Variants in URI1 observed in about 807,000 individuals in gnomAD.
The protein encoded by URI1 is unconventional prefoldin RPB5 interactor 1.
In URI1, 39 loss-of-function variants were observed where a neutral mutation model predicts 60.2. The ratio of observed to expected loss-of-function variants is 0.65; its 90% CI spans 0.50 to 0.85. The LOEUF (loss-of-function observed/expected upper bound fraction) is 0.85, where lower values mean the gene tolerates loss of function less well. Among genes scored for constraint, URI1 ranks in the 40% least tolerant of loss-of-function variants. The pLI is 0.00. For synonymous variants in URI1, 251 were observed against 236.8 expected, an observed-to-expected ratio of 1.06 and a Z score of -0.55; for missense variants, 691 against 665.9, an observed-to-expected ratio of 1.04 and a Z score of -0.42.
intron 10 of URI1, 120 bp downstream of exon 10, chr19:30,012,651 A>G: frequency 7.9e-7 from 1 of 1,263,406 alleles, no homozygotes; most frequent in South Asian, 1.6e-5. Flanking sequence ...CTTGGTACTA[A>G]TTAATAAAAA....
In URI1 at chr19:29,986,223, A is replaced by G; in HGVS notation, c.232-59A>G. On this transcript the variant is annotated intron_variant, in intron 3 of 10. Coordinates refer to ENST00000392271, the MANE Select transcript of URI1 (RefSeq NM_003796.3). ...AGGCTTTTAATGCGAAGTGTTTTAT[A>G]AAATGTACTTTTCAGTGTTTTATGT... 11 of 1,462,110 alleles carry G rather than the reference A, an allele frequency of 7.5e-6. No homozygotes were observed. In the South Asian group the frequency reaches 1.2e-4, roughly 16 times the overall value. The allele number at this position is 1,462,110 out of a possible 1,614,324, so 90.6% of individuals were successfully genotyped here. A position where few individuals can be genotyped will look rare whatever the true frequency, so the allele number is the denominator to read the frequency against.
chr19:30,000,092 T>C (rs1568440619), intron 4 of URI1, among the ~76,000 whole-genome samples: 1 of 152,020 alleles, frequency 6.6e-6, no homozygotes. Flanking sequence ...TTGCTATTGT[T>C]GTATCACAAT....
intron 1 of URI1, among the ~76,000 whole-genome samples, chr19:29,929,825 A>G (rs2054901112): frequency 6.6e-6 from 1 of 152,156 alleles, no homozygotes; most frequent in Admixed American, 6.5e-5. Context: ...AATGACAACA[A>G]AAAAACAGTG....
At chr19:29,953,317 A>C (rs2055202543) in intron 1 of URI1, among the ~76,000 whole-genome samples, 1 of 152,120 alleles carries the variant, frequency 6.6e-6, no homozygotes, top group East Asian at 1.9e-4. Context: ...TTGGCTATTG[A>C]CTGTTGTATT....
chr19:29,999,318 G>A (rs565634439), intron 4 of URI1, among the ~76,000 whole-genome samples: 14 of 152,180 alleles, frequency 9.2e-5, no homozygotes, highest in South Asian at 4.2e-4. Context: ...ATTTCTACCC[G>A]AAGAACTTCC....
chr19:29,924,205 T>G (rs2054846254), intron 1 of URI1, among the ~76,000 whole-genome samples: 1 of 152,172 alleles, frequency 6.6e-6, no homozygotes, highest in Non-Finnish European at 1.5e-5. Flanking sequence ...CCAATCTCTT[T>G]GAAAACACCC....
At chr19:29,942,153 TC>T, upstream of URI1, 1 of 949,296 alleles carries the variant, frequency 1.1e-6, no homozygotes, top group Non-Finnish European at 1.3e-6. Flanking sequence ...TCAAGCGCAC[TC>T]CCCTGGGGGC....
At position 29,995,731 on chromosome 19, in the gene URI1, T is replaced by G. The variant is rs1184290251; in HGVS notation, c.367+9314T>G. On this transcript the variant is annotated intron_variant, in intron 4 of 10. Coordinates refer to ENST00000392271, the MANE Select transcript of URI1 (RefSeq NM_003796.3). ...CATGAAGCAGCTTCCCTGTGTTTTT[T>G]TTTTTGAGTTTCCTAGATTTAGCTT... 2.6e-5 allele frequency among the ~76,000 whole-genome samples: 4 copies of G among 152,054 alleles called. 1 individual carries two copies. Among genetic ancestry groups the G allele is most frequent in the Admixed American group, 1.3e-4 (2 of 15,268 alleles).
At chr19:29,945,232 G>A (rs1221687404) in intron 1 of URI1, among the ~76,000 whole-genome samples, 1 of 152,214 alleles carries the variant, frequency 6.6e-6, no homozygotes, top group African/African-American at 2.4e-5. Context: ...CACACAGTGG[G>A]TGCCTTAGGC....
chr19:29,995,843 A>G (rs1157510819), intron 4 of URI1, among the ~76,000 whole-genome samples: 2 of 151,988 alleles, frequency 1.3e-5, no homozygotes. Context: ...AGTTTTCTCA[A>G]CACGATTTGC....
upstream of URI1, among the ~76,000 whole-genome samples, chr19:29,941,222 G>T (rs1439060944): frequency 2.0e-5 from 3 of 152,128 alleles, no homozygotes; most frequent in Admixed American, 6.5e-5. Flanking sequence ...TACTGCTAGC[G>T]ACTGCAGCAG....
intron 1 of URI1, among the ~76,000 whole-genome samples, chr19:29,964,345 C>T (rs1024008593): frequency 8.6e-5 from 13 of 151,996 alleles, no homozygotes; most frequent in African/African-American, 1.4e-4. Flanking sequence ...GGAGGTATTA[C>T]GCAAGTCTAG....
At chr19:30,005,943 T>A (rs1462191109) in intron 6 of URI1, among the ~76,000 whole-genome samples, 1 of 152,090 alleles carries the variant, frequency 6.6e-6, no homozygotes, top group Non-Finnish European at 1.5e-5. Flanking sequence ...CATGGCTTTT[T>A]TCTCCCAAAG....
chr19:29,942,979 A>G (rs992994080), intron 1 of URI1, among the ~76,000 whole-genome samples: 10 of 152,204 alleles, frequency 6.6e-5, no homozygotes, highest in Non-Finnish European at 7.3e-5. Context: ...TGTAGCTTGT[A>G]ATGACCTAAA....
chr19:29,927,489 T>C (rs572224234), intron 1 of URI1, among the ~76,000 whole-genome samples: 9 of 149,902 alleles, frequency 6.0e-5, no homozygotes, highest in African/African-American at 2.2e-4. Context: ...TTTGAACTCC[T>C]GACCTCAGGT....
chr19:29,996,268 T>C (rs2055811004), intron 4 of URI1, among the ~76,000 whole-genome samples: 1 of 152,218 alleles, frequency 6.6e-6, no homozygotes, highest in Non-Finnish European at 1.5e-5. Flanking sequence ...TTGTGTCTTA[T>C]TTGTTTTAGC....
intron 1 of URI1, among the ~76,000 whole-genome samples, chr19:29,949,534 G>A (rs1456797185): frequency 1.3e-5 from 2 of 152,210 alleles, no homozygotes; most frequent in Non-Finnish European, 2.9e-5. Flanking sequence ...CTGCAATCTC[G>A]GCACTTTGGG....
At chr19:30,010,849 C>G (rs1426250473) in intron 8 of URI1, among the ~76,000 whole-genome samples, 1 of 152,032 alleles carries the variant, frequency 6.6e-6, no homozygotes, top group Non-Finnish European at 1.5e-5. Context: ...ATTTTGCTTT[C>G]TCTACAATAA....
intron 4 of URI1, among the ~76,000 whole-genome samples, chr19:30,000,664 G>GT (rs538536493): frequency 2.0e-5 from 3 of 151,800 alleles, no homozygotes; most frequent in East Asian, 1.9e-4. Flanking sequence ...TATATAACTT[G>GT]TTTTTTTGTT....
Sources: gnomAD v4.1 joint callset for allele counts (sites outside exome capture counted in the v4.1 genomes callset) on GRCh38, gnomAD v4.1.1 for gene constraint, MANE v1.5 for transcripts, NCBI Gene and HGNC (gene_info 2026-07-23, HGNC 2026-07-21) for gene names.